Variants in ANKRD36 observed in about 807,000 individuals in gnomAD.
ANKRD36 encodes ankyrin repeat domain 36, also known as ankyrin repeat domain-containing protein 36A.
ANKRD36 carries 179 observed loss-of-function variants against 278.1 expected under a neutral mutation model. The observed-to-expected ratio is 0.64, with a 90% CI of 0.57 to 0.73. The LOEUF is 0.73. Ranked by LOEUF, ANKRD36 falls within the 30% of genes least tolerant of loss-of-function variation. The pLI, the probability that ANKRD36 is intolerant of heterozygous loss-of-function variation, is 0.00. For synonymous variants in ANKRD36, 320 were observed against 641.1 expected, an observed-to-expected ratio of 0.50 and a Z score of 7.57; for missense variants, 1,159 against 1,956.7, an observed-to-expected ratio of 0.59 and a Z score of 7.69.
intron 32 of ANKRD36, 93 bp downstream of exon 32, chr2:97,187,494 G>GGGGGGGGGA: frequency 4.2e-5 from 4 of 95,518 alleles, no homozygotes; most frequent in Non-Finnish European, 4.3e-5. Flanking sequence ...GGGTGGGGGG[G>GGGGGGGGGA]CTCGCCGAAG....
chr2:97,135,233 C>G (rs1490494645), intron 6 of ANKRD36, among the ~76,000 whole-genome samples: 2 of 151,798 alleles, frequency 1.3e-5, no homozygotes, highest in East Asian at 3.9e-4. Flanking sequence ...AAAATAAGTA[C>G]AGTAATTTCC....
At chr2:97,172,496 T>G (rs56414211) in intron 22 of ANKRD36, among the ~76,000 whole-genome samples, 75,918 of 146,098 alleles carry the variant, frequency 0.52, 25,147 homozygotes, top group Non-Finnish European at 0.76. Context: ...ACAGAAGTAT[T>G]GGAAATCCTA....
chr2:97,183,352 C>T, intron 26 of ANKRD36, 107 bp from the exon 27 acceptor site: 1 of 1,336,198 alleles, frequency 7.5e-7, no homozygotes, highest in Non-Finnish European at 1.0e-6. Flanking sequence ...TCAAATCCTA[C>T]ACTAGTGCAG....
At chr2:97,187,524 A>C in intron 32 of ANKRD36, 123 bp downstream of exon 32, 1 of 1,338,816 alleles carries the variant, frequency 7.5e-7, no homozygotes, top group Non-Finnish European at 1.0e-6. Context: ...CTGATCCAGC[A>C]GGTCTGAGAG....
intron 5 of ANKRD36, among the ~76,000 whole-genome samples, chr2:97,124,993 A>C (rs893391833): frequency 2.0e-5 from 3 of 151,878 alleles, no homozygotes; most frequent in Non-Finnish European, 4.4e-5. Flanking sequence ...TGAGCTGTGT[A>C]CTGGGGACCA....
At position 97,118,487 on chromosome 2, in the gene ANKRD36, A is replaced by C. The variant is rs748676261; in HGVS notation, c.456A>C (p.Ser152=). 1 of 1,599,532 alleles carries C rather than the reference A, an allele frequency of 6.3e-7. No individual in the cohort carries two copies. Among genetic ancestry groups the C allele is most frequent in the Admixed American group, 1.7e-5 (1 of 58,228 alleles). ...EDTSMIEKLL[S]HGTNIEECSK... is the part of the protein sequence containing the mutation. The stretch of plus-strand genomic sequence containing the variant: ...CATCCATGATAGAAAAACTTCTTTC[A>C]CATGGTACAAATATTGAAGAATGCA... The change falls in exon 3 of 76, where the codon TCA becomes TCC. Residue 152 remains serine, a synonymous_variant. Transcript: ENST00000420699.
intron 52 of ANKRD36, among the ~76,000 whole-genome samples, chr2:97,206,340 C>A (rs1394699926): frequency 6.6e-6 from 1 of 151,348 alleles, no homozygotes; most frequent in Non-Finnish European, 1.5e-5. Context: ...CACTTCCCCA[C>A]GTTGAAGTTG....
chr2:97,227,899 G>C (rs2070438615), intron 67 of ANKRD36, among the ~76,000 whole-genome samples: 1 of 152,084 alleles, frequency 6.6e-6, no homozygotes, highest in Non-Finnish European at 1.5e-5. Flanking sequence ...ATAATCATGT[G>C]GTTTTTGTCT....
intron 3 of ANKRD36, among the ~76,000 whole-genome samples, chr2:97,120,959 C>A (rs1340860271): frequency 2.6e-5 from 4 of 151,800 alleles, no homozygotes; most frequent in African/African-American, 9.7e-5. Flanking sequence ...CAGAGGTTGC[C>A]CCTTTCTATG....
Position 97,118,250 on chromosome 2 carries a change from C to T in ANKRD36, c.312+72C>T. 1.9e-6 allele frequency: 3 copies of T among 1,590,408 alleles called. No individual in the cohort carries two copies. In the East Asian group the frequency reaches 6.7e-5, roughly 36 times the overall value. On this transcript the variant is annotated intron_variant, in intron 2 of 75. Coordinates refer to ENST00000420699, the MANE Select transcript of ANKRD36 (RefSeq NM_001354587.1). ...TACATAGGATAAAATGAATTTATCT[C>T]ATTGGAATACCACCATATAACTAGT...
At chr2:97,124,723 T>C in intron 5 of ANKRD36, 126 bp downstream of exon 5, 1 of 1,223,228 alleles carries the variant, frequency 8.2e-7, no homozygotes, top group Non-Finnish European at 1.1e-6. Flanking sequence ...TGACAAATTT[T>C]CAAGTTTTTA....
intron 40 of ANKRD36, 89 bp from the exon 41 acceptor site, chr2:97,196,504 G>A (rs1330681344): frequency 1.3e-6 from 2 of 1,580,264 alleles, no homozygotes; most frequent in Admixed American, 3.6e-5. Flanking sequence ...CAGGCAGGAG[G>A]ACAGAGGTTG....
intron 66 of ANKRD36, among the ~76,000 whole-genome samples, chr2:97,221,105 A>G (rs62156181): frequency 7.6e-4 from 100 of 131,918 alleles, no homozygotes; most frequent in Non-Finnish European, 1.0e-3. Context: ...AAGGACATGA[A>G]CTCATCATTT....
chr2:97,220,766 T>C (rs1287626752), intron 66 of ANKRD36, among the ~76,000 whole-genome samples: 4 of 124,580 alleles, frequency 3.2e-5, no homozygotes, highest in African/African-American at 1.7e-4. Flanking sequence ...ATTTTCTTTT[T>C]TTTTTTTAAT....
At position 97,124,575 on chromosome 2, in the gene ANKRD36, G is replaced by A. The variant is rs746044379; in HGVS notation, c.709G>A (p.Ala237Thr). ...DAFRKIAGDY[A>T]IEAKNRVIFD... ...GTTTCGAAAGATTGCAGGAGATTATGCCATTGAGGCTAAGAATAGAGTGTA... is the reference window on the plus strand; with the variant it reads ...GTTTCGAAAGATTGCAGGAGATTATACCATTGAGGCTAAGAATAGAGTGTA... The change falls in exon 5 of 76, where the codon GCC (alanine) becomes ACC (threonine). Residue 237 changes from alanine to threonine, a missense_variant. Physicochemically the swap from Ala to Thr is moderately conservative, Grantham distance 58 (BLOSUM62 0). Transcript: ENST00000420699. The A allele has an allele frequency of 2.6e-5, 40 of 1,552,266 alleles. No individual in the cohort carries two copies. In the Middle Eastern group the frequency reaches 5.0e-4, roughly 19 times the overall value.
In ANKRD36 at chr2:97,187,358, G is replaced by A. The variant is rs553912698; in HGVS notation, c.2100G>A (p.Ser700=). The A allele has an allele frequency of 1.3e-5, 21 of 1,608,102 alleles. No homozygotes were observed. The highest frequency in any genetic ancestry group is 1.0e-4 in the Admixed American group (6 of 59,236). Reference sequence around the variant, plus strand: ...CAACTGACGAGGAAGACTCTGTTTCGAATATAGCCACAGAAATAAAGGATG... The same window carrying A: ...CAACTGACGAGGAAGACTCTGTTTCAAATATAGCCACAGAAATAAAGGATG... ...KATTDEEDSV[S]NIATEIKDGE... is the part of the protein sequence containing the mutation. The change falls in exon 32 of 76, where the codon TCG becomes TCA. Residue 700 remains serine (S), a synonymous_variant. Coordinates refer to ENST00000420699, the MANE Select transcript of ANKRD36 (RefSeq NM_001354587.1).
intron 4 of ANKRD36, 64 bp from the exon 5 acceptor site, chr2:97,124,396 A>G (rs1256782675): frequency 8.7e-6 from 13 of 1,501,540 alleles, no homozygotes; most frequent in African/African-American, 1.4e-5. Context: ...TTAAGTTGAT[A>G]AAGTATATAA....
chr2:97,169,449 C>T (rs2051730215), intron 22 of ANKRD36, among the ~76,000 whole-genome samples: 1 of 152,228 alleles, frequency 6.6e-6, no homozygotes, highest in Non-Finnish European at 1.5e-5. Flanking sequence ...GGCAATCAGA[C>T]AAGAGGAAAA....
chr2:97,115,091 G>A (rs1014118474), intron 1 of ANKRD36, among the ~76,000 whole-genome samples: 12 of 152,030 alleles, frequency 7.9e-5, no homozygotes, highest in African/African-American at 2.7e-4. Flanking sequence ...AAGCAATTGC[G>A]GTTTTTGCCG....
Sources: allele counts gnomAD v4.1 joint callset (sites outside exome capture counted in the v4.1 genomes callset), GRCh38; gene constraint gnomAD v4.1.1; transcripts MANE v1.5; gene names NCBI Gene and HGNC (gene_info 2026-07-23, HGNC 2026-07-21).